NAALADL2: variants seen among roughly 807,000 people sequenced by gnomAD.
NAALADL2 encodes inactive N-acetylated-alpha-linked acidic dipeptidase-like protein 2.
A neutral mutation model predicts 87.2 loss-of-function variants in NAALADL2; 76 were observed. The ratio of observed to expected loss-of-function variants is 0.87; its 90% CI spans 0.72 to 1.05. The LOEUF is 1.05. NAALADL2 is among the 50% of genes least tolerant of loss of function. NAALADL2 has a pLI of 0.00. For missense variants in NAALADL2, 1,089 were observed against 945.8 expected (o/e 1.15, Z -1.99); for synonymous variants, 354 against 331.0 (o/e 1.07, Z -0.75).
chr3:174,547,275 A>G (rs1249351834), intron 1 of NAALADL2, among the ~76,000 whole-genome samples: 1 of 152,208 alleles, frequency 6.6e-6, no homozygotes, highest in East Asian at 1.9e-4. Flanking sequence ...CACTCTGATT[A>G]GCAGTAGTGA....
rs529252554 is a variant in NAALADL2, at chr3:175,202,689, A to G, written c.546-31242A>G. On this transcript the variant is annotated intron_variant, in intron 2 of 13. Transcript: ENST00000454872. ...GCAGGTCCCTAGAACTCCCAAGAGT[A>G]TATGCCCTTTGCCTTCAGCTACCAG... Among the ~76,000 whole-genome samples the G allele has an allele frequency of 1.4e-3, 211 of 152,204 alleles. 3 individuals carry two copies. Among genetic ancestry groups the G allele is most frequent in the Admixed American group, 0.014 (207 of 15,290 alleles).
At chr3:174,632,963 AAAG>A (rs1168158061) in intron 2 of NAALADL2, among the ~76,000 whole-genome samples, 1 of 151,416 alleles carries the variant, frequency 6.6e-6, no homozygotes, top group Non-Finnish European at 1.5e-5. Flanking sequence ...AAAAAGGAAA[AAAG>A]AAAATCAGCG....
chr3:175,502,152 T>C (rs1453540955), intron 9 of NAALADL2, among the ~76,000 whole-genome samples: 1 of 152,076 alleles, frequency 6.6e-6, no homozygotes, highest in African/African-American at 2.4e-5. Flanking sequence ...GTCTACTAAA[T>C]AGCTAGCTAT....
At chr3:174,680,226 T>C (rs1175715384) in intron 2 of NAALADL2, among the ~76,000 whole-genome samples, 1 of 152,214 alleles carries the variant, frequency 6.6e-6, no homozygotes, top group Admixed American at 6.5e-5. Context: ...ATTTACAATA[T>C]ACATTTAGCC....
At chr3:174,721,271 C>G (rs1054128879) in intron 2 of NAALADL2, among the ~76,000 whole-genome samples, 1 of 152,028 alleles carries the variant, frequency 6.6e-6, no homozygotes, top group Admixed American at 6.6e-5. Flanking sequence ...GATAAAAATA[C>G]ACTAATTTTT....
At chr3:175,545,973 T>G (rs1027365019) in intron 9 of NAALADL2, among the ~76,000 whole-genome samples, 2 of 152,156 alleles carry the variant, frequency 1.3e-5, no homozygotes, top group Admixed American at 6.6e-5. Flanking sequence ...TACAGACCTT[T>G]GTTCTCAGAT....
intron 1 of NAALADL2, among the ~76,000 whole-genome samples, chr3:174,483,450 C>T (rs61321252): frequency 0.13 from 20,268 of 151,906 alleles, 2,293 homozygotes; most frequent in East Asian, 0.43. Flanking sequence ...TCCCAGGATT[C>T]AGTTACCTCC....
intron 2 of NAALADL2, among the ~76,000 whole-genome samples, chr3:175,157,339 T>A (rs1732476668): frequency 6.6e-6 from 1 of 152,078 alleles, no homozygotes; most frequent in Non-Finnish European, 1.5e-5. Flanking sequence ...TGCTTAAGTA[T>A]TTTTTCTATT....
At chr3:174,944,200 G>A (rs1316553402) in intron 1 of NAALADL2, among the ~76,000 whole-genome samples, 1 of 152,148 alleles carries the variant, frequency 6.6e-6, no homozygotes, top group African/African-American at 2.4e-5. Flanking sequence ...GCATGAACAT[G>A]TTGTCAGCCT....
At chr3:175,177,600 T>C (rs926110119) in intron 2 of NAALADL2, among the ~76,000 whole-genome samples, 1 of 152,118 alleles carries the variant, frequency 6.6e-6, no homozygotes, top group Admixed American at 6.6e-5. Flanking sequence ...TACTAATTAT[T>C]GTTACAAACC....
intron 4 of NAALADL2, among the ~76,000 whole-genome samples, chr3:175,280,545 T>C (rs1754158128): frequency 1.3e-5 from 2 of 152,094 alleles, no homozygotes; most frequent in African/African-American, 4.8e-5. Flanking sequence ...GGTTGTTGCA[T>C]CTCAGCAAAA....
chr3:175,112,516 G>A (rs1426461073), intron 2 of NAALADL2: 1 of 151,602 alleles, frequency 6.6e-6, no homozygotes, highest in Non-Finnish European at 1.5e-5. Context: ...ATACTCCTCT[G>A]TCATGACATT....
intron 4 of NAALADL2, among the ~76,000 whole-genome samples, chr3:175,280,238 T>C (rs946673768): frequency 2.6e-5 from 4 of 152,072 alleles, no homozygotes; most frequent in Admixed American, 6.5e-5. Context: ...ATTTCCTTTT[T>C]CTCAATGTAA....
At chr3:175,008,778 T>C (rs1231722493) in intron 1 of NAALADL2, among the ~76,000 whole-genome samples, 1 of 144,220 alleles carries the variant, frequency 6.9e-6, no homozygotes, top group East Asian at 2.1e-4. Flanking sequence ...ATCAACCTTC[T>C]AGGATTCCTT....
intron 4 of NAALADL2, among the ~76,000 whole-genome samples, chr3:175,267,318 G>A (rs997435182): frequency 6.6e-6 from 1 of 152,016 alleles, no homozygotes; most frequent in South Asian, 2.1e-4. Flanking sequence ...TATAAAACAT[G>A]TAGCTCCAAT....
chr3:175,191,109 G>A (rs1374906723), intron 2 of NAALADL2, among the ~76,000 whole-genome samples: 1 of 152,068 alleles, frequency 6.6e-6, no homozygotes, highest in Admixed American at 6.6e-5. Context: ...TGCTATATGA[G>A]AAGATTTTAG....
chr3:175,266,245 T>C (rs1751914440), intron 4 of NAALADL2, among the ~76,000 whole-genome samples: 1 of 151,146 alleles, frequency 6.6e-6, no homozygotes, highest in African/African-American at 2.4e-5. Flanking sequence ...TATAACCATC[T>C]AACATCTTAA....
chr3:175,010,991 A>G (rs73881600), intron 1 of NAALADL2, among the ~76,000 whole-genome samples: 7,653 of 152,258 alleles, frequency 0.05, 397 homozygotes, highest in East Asian at 0.18. Context: ...ATCTTTAAAA[A>G]ATAAATCTAG....
chr3:175,047,428 G>A (rs1342777943), intron 1 of NAALADL2, among the ~76,000 whole-genome samples: 1 of 152,018 alleles, frequency 6.6e-6, no homozygotes, highest in Non-Finnish European at 1.5e-5. Flanking sequence ...TCTGTAATAA[G>A]TTTATTCTTC....
Sources: allele counts gnomAD v4.1 joint callset (sites outside exome capture counted in the v4.1 genomes callset), GRCh38; gene constraint gnomAD v4.1.1; transcripts MANE v1.5; gene names NCBI Gene and HGNC (gene_info 2026-07-23, HGNC 2026-07-21).